Variants in BFSP1 observed in about 807,000 individuals in gnomAD.
BFSP1 encodes the protein beaded filament structural protein 1.
A neutral mutation model predicts 43.9 loss-of-function variants in BFSP1; 38 were observed. The observed-to-expected ratio is 0.87, with a 90% CI of 0.67 to 1.14. The LOEUF is 1.14. Ranked by LOEUF, BFSP1 falls within the 50% of genes most tolerant of loss-of-function variation. The probability of loss-of-function intolerance (pLI) is 0.00; values close to 1 mark genes in which losing one functional copy is unlikely to be tolerated. For synonymous variants in BFSP1, 352 were observed against 354.8 expected (o/e 0.99, Z 0.09); for missense variants, 850 against 875.1 (o/e 0.97, Z 0.36).
At chr20:17,560,808 G>A (rs911571208), upstream of BFSP1, 1 of 152,112 alleles carries the variant, frequency 6.6e-6, no homozygotes, top group African/African-American at 2.4e-5. Flanking sequence ...GGGACGAGCT[G>A]GGGAAAAATG....
chr20:17,543,653 T>A (rs1317159801), intron 1 of BFSP1, among the ~76,000 whole-genome samples: 1 of 152,204 alleles, frequency 6.6e-6, no homozygotes, highest in African/African-American at 2.4e-5. Flanking sequence ...GTTGATAGGT[T>A]ACAAAAAATC....
intron 1 of BFSP1, among the ~76,000 whole-genome samples, chr20:17,538,702 A>G (rs1444528906): frequency 1.3e-5 from 2 of 152,242 alleles, no homozygotes; most frequent in Non-Finnish European, 2.9e-5. Flanking sequence ...CTGGTTATGC[A>G]TGAAAAGCAG....
At position 17,508,977 on chromosome 20, in the gene BFSP1, C is replaced by G. The variant is rs773901224; in HGVS notation, c.647G>C (p.Arg216Pro). Residue 216 changes from arginine to proline, a missense_variant, in exon 5 of 8, where the codon CGG becomes CCG. Coordinates refer to ENST00000377873, the MANE Select transcript of BFSP1 (RefSeq NM_001195.5). ...GMREEKLLTE[R>P]EVAALRSQLE... ...CTGACTCCGCAGGGCGGCCACCTCC[C>G]GCTCCGTCAGGAGCTTCTCCTGCAC... The G allele has an allele frequency of 6.3e-7, 1 of 1,592,634 alleles. No individual in the cohort carries two copies. The highest frequency in any genetic ancestry group is 8.5e-7 in the Non-Finnish European group (1 of 1,170,684).
rs897377330 is a variant in BFSP1 at position 17,493,986 on chromosome 20, C to T, written c.*88G>A. ...CTATGGTCTAATCCAAACAGGAACC[C>T]TCACCCTTTTATCATTTGCTCTAAA... On this transcript the variant is annotated 3_prime_UTR_variant, in exon 8 of 8. Transcript: ENST00000377873. 6.3e-6 allele frequency: 8 copies of T among 1,270,710 alleles called. No homozygotes were observed. The highest frequency in any genetic ancestry group is 1.9e-4 in the Middle Eastern group (1 of 5,208). 78.7% of individuals were successfully genotyped at this position (1,270,710 alleles called of 1,614,324 possible). A position where few individuals can be genotyped will look rare whatever the true frequency, so the allele number is the denominator to read the frequency against.
At chr20:17,505,511 T>G (rs2033913788) in intron 5 of BFSP1, among the ~76,000 whole-genome samples, 2 of 152,292 alleles carry the variant, frequency 1.3e-5, no homozygotes, top group East Asian at 1.9e-4. Flanking sequence ...GCAGACGCTC[T>G]CTCTCGGCCC....
At chr20:17,520,210 G>GCCGGGGGGGCCCCC in intron 2 of BFSP1, among the ~76,000 whole-genome samples, 1 of 133,426 alleles carries the variant, frequency 7.5e-6, no homozygotes, top group Admixed American at 7.9e-5. Flanking sequence ...GTTTTAACGT[G>GCCGGGGGGGCCCCC]CCCCCCCACC....
Position 17,525,663 on chromosome 20 carries a change from C to T in BFSP1, c.378-755G>A, listed in dbSNP as rs945670823. ...CACGTCCCTCTGGGGGAATTTTAAC[C>T]CTAAAGAGAGAAGATTCCTTCCTAA... On this transcript the variant is annotated intron_variant, in intron 1 of 7. Coordinates refer to ENST00000377873, the MANE Select transcript of BFSP1 (RefSeq NM_001195.5). This position sits in a 1 kb window ranked among gnomAD's most constrained non-coding sequence, Gnocchi z 4.2. 3.9e-5 allele frequency among the ~76,000 whole-genome samples: 6 copies of T among 152,108 alleles called. No homozygotes were observed. Among genetic ancestry groups the T allele is most frequent in the Admixed American group, 2.6e-4 (4 of 15,276 alleles).
chr20:17,496,143 T>C (rs1282120930), intron 7 of BFSP1, among the ~76,000 whole-genome samples: 1 of 152,226 alleles, frequency 6.6e-6, no homozygotes, highest in Non-Finnish European at 1.5e-5. Context: ...GGGACCGTTC[T>C]GAGAGCAAGC....
At chr20:17,566,553 A>G (rs561816962) in intron 1 of BFSP1, among the ~76,000 whole-genome samples, 1 of 152,342 alleles carries the variant, frequency 6.6e-6, no homozygotes, top group Admixed American at 6.5e-5. Flanking sequence ...GTCCAAGATC[A>G]AGTCACCAGC....
chr20:17,561,342 C>CA (rs35376497), upstream of BFSP1, among the ~76,000 whole-genome samples: 9,896 of 151,930 alleles, frequency 0.065, 386 homozygotes, highest in Non-Finnish European at 0.089. Context: ...ACTAAAAATA[C>CA]AAAAAAATTA....
intron 3 of BFSP1, among the ~76,000 whole-genome samples, chr20:17,513,900 G>A (rs926526027): frequency 6.6e-6 from 1 of 152,198 alleles, no homozygotes; most frequent in African/African-American, 2.4e-5. Context: ...CCTCAGAGTT[G>A]GTCTACAAAG....
chr20:17,559,583 G>A (rs1454996615), upstream of BFSP1, among the ~76,000 whole-genome samples: 1 of 152,146 alleles, frequency 6.6e-6, no homozygotes, highest in African/African-American at 2.4e-5. Flanking sequence ...CCACCCCTGG[G>A]CCATGAACCA....
intron 7 of BFSP1, among the ~76,000 whole-genome samples, chr20:17,495,385 T>G (rs1001884862): frequency 2.6e-5 from 4 of 152,206 alleles, no homozygotes; most frequent in Non-Finnish European, 5.9e-5. Context: ...CTGTTCCCAC[T>G]GCAGCCCCAC....
upstream of BFSP1, among the ~76,000 whole-genome samples, chr20:17,563,596 C>T (rs1435424698): frequency 6.6e-6 from 1 of 152,082 alleles, no homozygotes. Context: ...CCTCCCCAGC[C>T]TCCCAAAGTG....
At chr20:17,512,484 A>C (rs1166226381) in intron 3 of BFSP1, among the ~76,000 whole-genome samples, 1 of 152,180 alleles carries the variant, frequency 6.6e-6, no homozygotes, top group African/African-American at 2.4e-5. Flanking sequence ...TGGGAGGCCA[A>C]GGCAGGTGGA....
chr20:17,542,946 A>T (rs1236303945), intron 1 of BFSP1, among the ~76,000 whole-genome samples: 1 of 152,106 alleles, frequency 6.6e-6, no homozygotes, highest in Admixed American at 6.5e-5. Flanking sequence ...TCAGCCAGTA[A>T]ATAAAGAGAG....
intron 1 of BFSP1, among the ~76,000 whole-genome samples, chr20:17,568,839 C>T (rs986661886): frequency 6.6e-6 from 1 of 152,004 alleles, no homozygotes; most frequent in Non-Finnish European, 1.5e-5. Flanking sequence ...CCAAAAGTCT[C>T]ATATTTGGAG....
Position 17,494,408 on chromosome 20 carries a change from C to T in BFSP1, c.1664G>A (p.Gly555Asp). ...EIEPDGAELE[G>D]PEEKREGEER... ...CTCACCCTCACGTTTCTCTTCAGGGCCTTCCAGCTCTGCACCATCTGGCTC... is the reference window on the plus strand; with the variant it reads ...CTCACCCTCACGTTTCTCTTCAGGGTCTTCCAGCTCTGCACCATCTGGCTC... Residue 555 changes from glycine to aspartate, a missense_variant, in exon 8 of 8, where the codon GGC becomes GAC. Coordinates refer to ENST00000377873, the MANE Select transcript of BFSP1 (RefSeq NM_001195.5). 6.2e-7 allele frequency: 1 copy of T among 1,614,216 alleles called. No homozygotes were observed. Among genetic ancestry groups the T allele is most frequent in the South Asian group, 1.1e-5 (1 of 91,090 alleles).
chr20:17,518,984 C>G (rs1238054847), intron 2 of BFSP1, among the ~76,000 whole-genome samples: 3 of 152,146 alleles, frequency 2.0e-5, no homozygotes, highest in Non-Finnish European at 2.9e-5. Flanking sequence ...ATTCTCAGCC[C>G]CGGGGATGGG....
Sources: allele counts gnomAD v4.1 joint callset (sites outside exome capture counted in the v4.1 genomes callset), GRCh38; gene constraint gnomAD v4.1.1; non-coding constraint Gnocchi (gnomAD v3.1); transcripts MANE v1.5; gene names NCBI Gene and HGNC (gene_info 2026-07-23, HGNC 2026-07-21).